Variants in ACTR3C observed in about 807,000 individuals in gnomAD.
ACTR3C encodes actin-related protein 3C.
ACTR3C carries 18 observed loss-of-function variants against 26.3 expected under a neutral mutation model. That is an observed-to-expected ratio of 0.68 (90% confidence interval 0.47 to 1.01). ACTR3C has a LOEUF of 1.01. Ranked by LOEUF, ACTR3C falls within the 50% of genes least tolerant of loss-of-function variation. The pLI is 0.00. For synonymous variants in ACTR3C, 55 were observed against 94.5 expected (o/e 0.58, Z 2.42); for missense variants, 184 against 250.7 (o/e 0.73, Z 1.80).
At chr7:150,263,099 A>T (rs1032640149) in intron 6 of ACTR3C, among the ~76,000 whole-genome samples, 3 of 152,110 alleles carry the variant, frequency 2.0e-5, no homozygotes, top group Admixed American at 2.0e-4. Flanking sequence ...AGAAAACAGT[A>T]GGAAGTCGGA....
the ACTR3C span, among the ~76,000 whole-genome samples, chr7:150,064,708 C>G: frequency 1.3e-5 from 2 of 151,266 alleles, no homozygotes. Flanking sequence ...ATTCATCATT[C>G]TCTGATTTCA....
At chr7:149,928,703 C>T in the ACTR3C span, among the ~76,000 whole-genome samples, 142 of 151,288 alleles carry the variant, frequency 9.4e-4, no homozygotes, top group African/African-American at 3.2e-3. Flanking sequence ...AACAGCCATG[C>T]GTGGTGGTGT....
chr7:150,105,595 G>A, the ACTR3C span, among the ~76,000 whole-genome samples: 11 of 152,134 alleles, frequency 7.2e-5, no homozygotes, highest in Middle Eastern at 3.4e-3. Flanking sequence ...CCATGTCACC[G>A]GTCACTCTGA....
chr7:150,216,963 C>A, the ACTR3C span, among the ~76,000 whole-genome samples: 2 of 130,082 alleles, frequency 1.5e-5, no homozygotes, highest in African/African-American at 6.4e-5. Flanking sequence ...TCTAGCCTGG[C>A]AACAGAGCGA....
the ACTR3C span, among the ~76,000 whole-genome samples, chr7:150,161,953 A>C: frequency 6.6e-6 from 1 of 152,230 alleles, no homozygotes; most frequent in Non-Finnish European, 1.5e-5. Flanking sequence ...AACAAAATAC[A>C]TCAGTCATAT....
At chr7:150,265,804 G>C (rs1400386100) in intron 6 of ACTR3C, among the ~76,000 whole-genome samples, 1 of 151,780 alleles carries the variant, frequency 6.6e-6, no homozygotes, top group Non-Finnish European at 1.5e-5. Context: ...TTTATTTATC[G>C]TTTGCATGCA....
chr7:150,302,062 C>A (rs1396947143), intron 1 of ACTR3C, among the ~76,000 whole-genome samples: 1 of 151,968 alleles, frequency 6.6e-6, no homozygotes, highest in East Asian at 1.9e-4. Flanking sequence ...AAACAAAGTT[C>A]ATAGAAATCA....
the ACTR3C span, among the ~76,000 whole-genome samples, chr7:150,175,574 G>A: frequency 2.0e-5 from 3 of 149,858 alleles, no homozygotes; most frequent in Non-Finnish European, 4.4e-5. Flanking sequence ...AGCACCTTGG[G>A]AGGCCAAGGT....
chr7:149,905,366 C>T, the ACTR3C span, among the ~76,000 whole-genome samples: 343 of 151,242 alleles, frequency 2.3e-3, 3 homozygotes, highest in African/African-American at 7.5e-3. Flanking sequence ...ACTAGCCTTC[C>T]GCATGGAAAA....
chr7:150,279,037 G>C (rs1247396548), intron 6 of ACTR3C, among the ~76,000 whole-genome samples: 4 of 152,204 alleles, frequency 2.6e-5, no homozygotes, highest in Admixed American at 6.5e-5. Context: ...CGGCGCAGTG[G>C]TTCACGCCTA....
chr7:150,236,995 T>G, the ACTR3C span, among the ~76,000 whole-genome samples: 1 of 151,644 alleles, frequency 6.6e-6, no homozygotes, highest in Non-Finnish European at 1.5e-5. Context: ...ATGTAACTCT[T>G]TGGCAGGAGG....
chr7:149,930,704 T>C, the ACTR3C span, among the ~76,000 whole-genome samples: 1 of 152,362 alleles, frequency 6.6e-6, no homozygotes, highest in South Asian at 2.1e-4. Context: ...AAGATTGTTT[T>C]CATATTGTAG....
At chr7:150,040,070 A>C in the ACTR3C span, among the ~76,000 whole-genome samples, 33 of 126,064 alleles carry the variant, frequency 2.6e-4, no homozygotes, top group East Asian at 9.8e-4. Context: ...GCCTCCCCCC[A>C]CTGCGATGGG....
At chr7:150,012,317 C>CTTTTTTTTTTTTTTTTTTTT in the ACTR3C span, among the ~76,000 whole-genome samples, 247 of 131,228 alleles carry the variant, frequency 1.9e-3, 65 homozygotes, top group Non-Finnish European at 2.3e-3. Context: ...ATAAATGCAT[C>CTTTTTTTTTTTTTTTTTTTT]TTTTTTTTTT....
chr7:150,145,353 G>A, the ACTR3C span, among the ~76,000 whole-genome samples: 1 of 152,176 alleles, frequency 6.6e-6, no homozygotes, highest in Admixed American at 6.5e-5. Flanking sequence ...AGCAGAATTT[G>A]ACTGAATTAG....
intron 6 of ACTR3C, chr7:150,264,602 A>G (rs1325396780): frequency 4.1e-6 from 4 of 975,746 alleles, no homozygotes; most frequent in Non-Finnish European, 4.9e-6. Context: ...ATATAAATGT[A>G]TATTAAAACT....
chr7:150,134,611 AC>A, the ACTR3C span, among the ~76,000 whole-genome samples: 5 of 152,294 alleles, frequency 3.3e-5, no homozygotes, highest in African/African-American at 1.2e-4. Context: ...TAATCAGCTC[AC>A]AATGTGAAAG....
the ACTR3C span, among the ~76,000 whole-genome samples, chr7:150,182,137 T>C: frequency 6.6e-6 from 1 of 150,430 alleles, no homozygotes; most frequent in African/African-American, 2.5e-5. Context: ...TTCATTCCAG[T>C]TCCCAACCAT....
chr7:150,067,556 CATAA>C, the ACTR3C span, among the ~76,000 whole-genome samples: 370 of 151,824 alleles, frequency 2.4e-3, no homozygotes, highest in African/African-American at 8.7e-3. Context: ...TTGTGGGGTA[CATAA>C]AAATAAATGC....
Sources: allele counts gnomAD v4.1 joint callset (sites outside exome capture counted in the v4.1 genomes callset), GRCh38; gene constraint gnomAD v4.1.1; transcripts MANE v1.5; gene names NCBI Gene and HGNC (gene_info 2026-07-23, HGNC 2026-07-21).